Variants in SASH1 observed in about 807,000 individuals in gnomAD.
The protein encoded by SASH1 is SAM and SH3 domain containing 1, also known as SAM and SH3 domain-containing protein 1.
In SASH1, 44 loss-of-function variants were observed where a neutral mutation model predicts 125.2. The observed-to-expected ratio is 0.35, with a 90% confidence interval of 0.28 to 0.45. The LOEUF is 0.45. Ranked by LOEUF, SASH1 falls within the 20% of genes least tolerant of loss-of-function variation. SASH1 has a pLI of 1.00. For missense variants in SASH1, 1,426 were observed against 1,614.5 expected, an observed-to-expected ratio of 0.88 and a Z score of 2.00; for synonymous variants, 639 against 649.1, an observed-to-expected ratio of 0.98 and a Z score of 0.24.
upstream of SASH1, among the ~76,000 whole-genome samples, chr6:148,339,620 C>T (rs181530692): frequency 6.6e-6 from 1 of 152,088 alleles, no homozygotes; most frequent in African/African-American, 2.4e-5. Flanking sequence ...CAGTGGCTCA[C>T]TGCAACCTCC....
the SASH1 span, among the ~76,000 whole-genome samples, chr6:148,246,648 G>A: frequency 1.3e-5 from 2 of 152,130 alleles, no homozygotes; most frequent in East Asian, 1.9e-4. Flanking sequence ...AATATTTTAA[G>A]GAAGGGATTA....
chr6:148,519,805 C>G lies in SASH1; in HGVS notation c.1121C>G (p.Ser374Cys). ...CCCAAGAAGATGGGGACATTCTTCT[C>G]CTACCCAGAAGAAGAAAAGGCCCAG... ...KPPKKMGTFF[S>C]YPEEEKAQKV... The change falls in exon 10 of 20, where the codon TCC becomes TGC. Residue 374 changes from serine (S) to cysteine (C), a missense_variant. Ser to Cys is a moderately radical substitution (Grantham distance 112). Coordinates refer to ENST00000367467, the MANE Select transcript of SASH1 (RefSeq NM_015278.5). The surrounding 1 kb of genome is among the most constrained non-coding windows in gnomAD (Gnocchi z 4.8). 6.2e-7 allele frequency: 1 copy of G among 1,613,760 alleles called. No homozygotes were observed. Among genetic ancestry groups the G allele is most frequent in the Non-Finnish European group, 8.5e-7 (1 of 1,179,832 alleles).
intron 1 of SASH1, among the ~76,000 whole-genome samples, chr6:148,326,341 T>TATATATATATATATATATATATATATGC (rs1780808489): frequency 1.1e-5 from 1 of 88,376 alleles, no homozygotes; most frequent in African/African-American, 4.4e-5. Context: ...TATATATATA[T>TATATATATATATATATATATATATATGC]ATATATATAT....
intron 1 of SASH1, among the ~76,000 whole-genome samples, chr6:148,327,288 T>A (rs553705162): frequency 8.1e-6 from 1 of 123,656 alleles, no homozygotes; most frequent in African/African-American, 2.8e-5. Flanking sequence ...TATAAATTTC[T>A]TTTTTTTTTT....
chr6:148,269,167 G>A (rs1779003853), upstream of SASH1, among the ~76,000 whole-genome samples: 1 of 152,316 alleles, frequency 6.6e-6, no homozygotes, highest in Non-Finnish European at 1.5e-5. Context: ...TTAATAAGAG[G>A]TATACTATAA....
intron 10 of SASH1, chr6:148,520,161 G>A: frequency 4.6e-6 from 2 of 435,412 alleles, no homozygotes; most frequent in Non-Finnish European, 8.3e-6. Context: ...GCGCACCTCG[G>A]TCAGCGAGTT....
chr6:148,355,786 A>G (rs907405241), intron 1 of SASH1, among the ~76,000 whole-genome samples: 2 of 152,178 alleles, frequency 1.3e-5, no homozygotes, highest in Non-Finnish European at 1.5e-5. Flanking sequence ...TAGAATGATC[A>G]TATTTACATT....
intron 2 of SASH1, among the ~76,000 whole-genome samples, chr6:148,420,566 A>G (rs571733236): frequency 2.0e-5 from 3 of 152,318 alleles, no homozygotes; most frequent in East Asian, 1.9e-4. Context: ...TTATATATGT[A>G]TACCATATAC....
At chr6:148,224,100 C>T in the SASH1 span, among the ~76,000 whole-genome samples, 1 of 152,110 alleles carries the variant, frequency 6.6e-6, no homozygotes, top group Non-Finnish European at 1.5e-5. Flanking sequence ...TTGAGCCCAG[C>T]CTGAGCAACA....
chr6:148,205,643 T>C, the SASH1 span, among the ~76,000 whole-genome samples: 1 of 152,056 alleles, frequency 6.6e-6, no homozygotes, highest in African/African-American at 2.4e-5. Flanking sequence ...CAGAAGAACT[T>C]CACCTTGAAG....
At chr6:148,491,132 T>C (rs1256720067) in intron 8 of SASH1, among the ~76,000 whole-genome samples, 1 of 152,212 alleles carries the variant, frequency 6.6e-6, no homozygotes, top group Non-Finnish European at 1.5e-5. Flanking sequence ...TCCTAGAATA[T>C]CAAAATTGGT....
At chr6:148,382,444 C>T (rs1783178154) in intron 1 of SASH1, among the ~76,000 whole-genome samples, 1 of 152,162 alleles carries the variant, frequency 6.6e-6, no homozygotes, top group African/African-American at 2.4e-5. Flanking sequence ...CACCCACCAC[C>T]ACGCCTGGCT....
At chr6:148,434,129 T>G (rs1333105974) in intron 2 of SASH1, among the ~76,000 whole-genome samples, 4 of 133,028 alleles carry the variant, frequency 3.0e-5, no homozygotes, top group African/African-American at 2.8e-5. Context: ...CAGGCTGGAG[T>G]GCAGTGGCGC....
At position 148,540,451 on chromosome 6, in the gene SASH1, G is replaced by A. The variant is rs772835775; in HGVS notation, c.2104G>A (p.Asp702Asn). Residue 702 changes from aspartate (D) to asparagine (N), a missense_variant, in exon 17 of 20, where the codon GAC becomes AAC. This residue lies in a region of SASH1 where 225 missense variants were observed against 344.5 expected (regional missense o/e 0.65). Coordinates refer to ENST00000367467, the MANE Select transcript of SASH1 (RefSeq NM_015278.5). ...CGTGTTCTCTCCTCTAGGTAACAGC[G>A]ACCAGTCAGGATCCCAGGAGAAGCT... is the stretch of plus-strand genomic sequence containing the variant. ...ELLQEYDSNS[D>N]QSGSQEKLLV... 7.4e-6 allele frequency: 12 copies of A among 1,613,620 alleles called. No homozygotes were observed. Among genetic ancestry groups the A allele is most frequent in the Non-Finnish European group, 9.3e-6 (11 of 1,179,772 alleles).
chr6:148,410,215 A>G (rs1472182862), intron 2 of SASH1, among the ~76,000 whole-genome samples: 1 of 143,146 alleles, frequency 7.0e-6, no homozygotes, highest in Non-Finnish European at 1.5e-5. Context: ...GGTTCAAGCA[A>G]TTCTCCTGCC....
chr6:148,548,847 C>CTCTA lies in SASH1; in HGVS notation c.*293_*296dup, dbSNP rs1008060942. The CTCTA allele has an allele frequency of 5.0e-5, 16 of 320,736 alleles. No individual in the cohort carries two copies. The highest frequency in any genetic ancestry group is 2.8e-4 in the African/African-American group (13 of 47,250). 19.9% of individuals were successfully genotyped at this position (320,736 alleles called of 1,614,324 possible). A position where few individuals can be genotyped will look rare whatever the true frequency, so the allele number is the denominator to read the frequency against. On this transcript the variant is annotated 3_prime_UTR_variant, in exon 20 of 20. Transcript: ENST00000367467. Reference sequence around the variant, plus strand: ...CCAAGATGCCAACTGGCTGCGAATGCTCTATCTCCAGTCTGTCTCTGTGTA... The same window carrying CTCTA: ...CCAAGATGCCAACTGGCTGCGAATGCTCTATCTATCTCCAGTCTGTCTCTGTGTA...
At chr6:148,310,453 C>A (rs543081713) in intron 1 of SASH1, among the ~76,000 whole-genome samples, 65 of 149,814 alleles carry the variant, frequency 4.3e-4, no homozygotes, top group Admixed American at 3.3e-4. Flanking sequence ...AGATTGTAGA[C>A]CTCAATGTAA....
chr6:148,485,811 C>T (rs1179656547), intron 7 of SASH1, among the ~76,000 whole-genome samples: 1 of 152,170 alleles, frequency 6.6e-6, no homozygotes. Context: ...TCCAGGGCTT[C>T]GGGATTGTCC....
chr6:148,517,491 C>T (rs556849977), intron 9 of SASH1, among the ~76,000 whole-genome samples: 2 of 152,224 alleles, frequency 1.3e-5, no homozygotes, highest in Admixed American at 6.5e-5. Context: ...GGGAGTTGTA[C>T]GCTCAAGTCA....
Sources: allele counts gnomAD v4.1 joint callset (sites outside exome capture counted in the v4.1 genomes callset), GRCh38; gene constraint gnomAD v4.1.1; regional missense constraint gnomAD v4.1.1; non-coding constraint Gnocchi (gnomAD v3.1); transcripts MANE v1.5; gene names NCBI Gene and HGNC (gene_info 2026-07-23, HGNC 2026-07-21).